PDE10A: variants seen among roughly 807,000 people sequenced by gnomAD.
PDE10A encodes the protein phosphodiesterase 10A, also known as cAMP and cAMP-inhibited cGMP 3',5'-cyclic phosphodiesterase 10A.
Under a neutral mutation model 97.7 loss-of-function variants are expected in PDE10A, and 39 were observed. The ratio of observed to expected loss-of-function variants is 0.40; its 90% CI spans 0.31 to 0.52. The LOEUF (loss-of-function observed/expected upper bound fraction) is 0.52, where lower values mean the gene tolerates loss of function less well. Among genes scored for constraint, PDE10A ranks in the 20% least tolerant of loss-of-function variants. The pLI, the probability that PDE10A is intolerant of heterozygous loss-of-function variation, is 0.56. For synonymous variants in PDE10A, 371 were observed against 376.8 expected (o/e 0.98, Z 0.18); for missense variants, 731 against 1,047.8 (o/e 0.70, Z 4.17).
At chr6:165,735,126 AGGTT>A (rs1423577170) in intron 1 of PDE10A, among the ~76,000 whole-genome samples, 2 of 151,812 alleles carry the variant, frequency 1.3e-5, no homozygotes, top group Admixed American at 6.6e-5. Context: ...GTAGGTAGGT[AGGTT>A]GGTAGATAAA....
chr6:165,925,975 G>A (rs1297362094), intron 1 of PDE10A, among the ~76,000 whole-genome samples: 2 of 152,144 alleles, frequency 1.3e-5, no homozygotes, highest in Non-Finnish European at 2.9e-5. Context: ...CCATTGGGGG[G>A]AACTGCAAGA....
chr6:165,452,514 A>G (rs550519418), intron 3 of PDE10A, among the ~76,000 whole-genome samples: 35 of 152,230 alleles, frequency 2.3e-4, no homozygotes, highest in African/African-American at 7.2e-4. Context: ...GTCCTGATAA[A>G]AGATATCTTT....
intron 1 of PDE10A, among the ~76,000 whole-genome samples, chr6:165,894,855 C>T (rs1781903182): frequency 6.6e-6 from 1 of 152,264 alleles, no homozygotes; most frequent in South Asian, 2.1e-4. Flanking sequence ...AAGAGGTCCT[C>T]ATTAGCCAGA....
intron 1 of PDE10A, among the ~76,000 whole-genome samples, chr6:165,810,080 G>A (rs1183652437): frequency 6.6e-6 from 1 of 152,182 alleles, no homozygotes; most frequent in African/African-American, 2.4e-5. Context: ...CCCCAAAGAT[G>A]AGGATTTCCA....
chr6:165,583,396 G>C (rs1050824266), intron 1 of PDE10A, among the ~76,000 whole-genome samples: 2 of 152,166 alleles, frequency 1.3e-5, no homozygotes, highest in Non-Finnish European at 2.9e-5. Flanking sequence ...CTTCCCAAAA[G>C]ATACCCACAT....
chr6:165,527,947 A>T (rs937728386), intron 2 of PDE10A, among the ~76,000 whole-genome samples: 7 of 152,222 alleles, frequency 4.6e-5, no homozygotes, highest in Non-Finnish European at 8.8e-5. Context: ...TAGCTGAGGC[A>T]CTACAGCCCT....
At position 165,938,712 on chromosome 6, in the gene PDE10A, TCA is replaced by T. The variant is rs530036743; in HGVS notation, c.-615+48815_-615+48816del. ...TAGATTTAAAGAAGTCCTGTAGTGT[TCA>T]GAGTCCAGTGAGCAACAACATCAAA... is the stretch of plus-strand genomic sequence containing the variant. On this transcript the variant is annotated intron_variant, in intron 1 of 19. Coordinates refer to the PDE10A transcript ENST00000366882. Among the ~76,000 whole-genome samples the T allele has an allele frequency of 6.1e-3, 922 of 152,026 alleles. 6 individuals are homozygous for T. Among genetic ancestry groups the T allele is most frequent in the Non-Finnish European group, 9.3e-3 (630 of 67,996 alleles).
At chr6:165,735,224 T>C (rs1792542272) in intron 1 of PDE10A, among the ~76,000 whole-genome samples, 1 of 150,524 alleles carries the variant, frequency 6.6e-6, no homozygotes. Context: ...GGTAGATGAG[T>C]AGATAGACAG....
At chr6:165,356,183 A>G (rs571132522) in intron 18 of PDE10A, among the ~76,000 whole-genome samples, 2 of 152,276 alleles carry the variant, frequency 1.3e-5, no homozygotes, top group South Asian at 2.1e-4. Flanking sequence ...CTCCCTTGAC[A>G]CATGCAGATT....
At chr6:165,979,492 C>A (rs1438230764) in intron 1 of PDE10A, among the ~76,000 whole-genome samples, 3 of 151,890 alleles carry the variant, frequency 2.0e-5, no homozygotes, top group Non-Finnish European at 4.4e-5. Flanking sequence ...ATAAATATTT[C>A]TTCTTGTCTA....
chr6:165,551,634 A>G (rs1241156901), intron 1 of PDE10A, among the ~76,000 whole-genome samples: 5 of 152,218 alleles, frequency 3.3e-5, no homozygotes, highest in Non-Finnish European at 7.3e-5. Context: ...TAAGCCCAGG[A>G]TGTCAGCTCT....
At chr6:165,436,313 C>A (rs893791689) in intron 5 of PDE10A, among the ~76,000 whole-genome samples, 1 of 152,236 alleles carries the variant, frequency 6.6e-6, no homozygotes, top group African/African-American at 2.4e-5. Context: ...TAAGGTAGTT[C>A]TAAGGATGAG....
rs375138748 is a variant in PDE10A, at chr6:165,593,494, G to A, written c.866-49926C>T. Among the ~76,000 whole-genome samples, 32 of 152,088 alleles carry A rather than the reference G, an allele frequency of 2.1e-4. No homozygotes were observed. The East Asian group carries it at 2.1e-3, about 10-fold the overall frequency. On this transcript the variant is annotated intron_variant, in intron 1 of 21. Coordinates refer to ENST00000539869, the MANE Select transcript of PDE10A (RefSeq NM_001385079.1). ...TCCTGGCTAACAAAGTTGATGGCAT[G>A]AGTCAGTATTCTGATATGATCAAAA...
At chr6:165,363,392 G>A (rs1331530430) in intron 18 of PDE10A, among the ~76,000 whole-genome samples, 3 of 152,090 alleles carry the variant, frequency 2.0e-5, no homozygotes, top group Admixed American at 1.3e-4. Context: ...GCAGGTGCCT[G>A]TAATCCCAGC....
intron 1 of PDE10A, among the ~76,000 whole-genome samples, chr6:165,601,764 G>C (rs1786963874): frequency 6.6e-6 from 1 of 152,048 alleles, no homozygotes; most frequent in South Asian, 2.1e-4. Context: ...AGAATCATTA[G>C]GGTCCCTCAT....
intron 1 of PDE10A, among the ~76,000 whole-genome samples, chr6:165,809,394 CT>C (rs1406669067): frequency 6.6e-6 from 1 of 152,216 alleles, no homozygotes; most frequent in Non-Finnish European, 1.5e-5. Context: ...AAGGCTCTTC[CT>C]TGCTGGGCTT....
chr6:165,531,300 T>A (rs1201297115), intron 2 of PDE10A, among the ~76,000 whole-genome samples: 1 of 151,618 alleles, frequency 6.6e-6, no homozygotes, highest in Non-Finnish European at 1.5e-5. Flanking sequence ...CTGTGTCTAA[T>A]GCTTAGCAAG....
At chr6:165,548,779 T>C (rs1217862369) in intron 1 of PDE10A, among the ~76,000 whole-genome samples, 1 of 152,218 alleles carries the variant, frequency 6.6e-6, no homozygotes, top group Non-Finnish European at 1.5e-5. Flanking sequence ...TCATCTACTA[T>C]GTGGTTGTCC....
intron 1 of PDE10A, among the ~76,000 whole-genome samples, chr6:165,642,652 T>C (rs1418239028): frequency 4.6e-5 from 7 of 152,154 alleles, no homozygotes; most frequent in African/African-American, 1.7e-4. Context: ...AGTAAAACCA[T>C]TTGTAGTCCT....
Sources: allele counts gnomAD v4.1 joint callset (sites outside exome capture counted in the v4.1 genomes callset), GRCh38; gene constraint gnomAD v4.1.1; transcripts MANE v1.5; gene names NCBI Gene and HGNC (gene_info 2026-07-23, HGNC 2026-07-21).